CCDC178: variants seen among roughly 807,000 people sequenced by gnomAD.
The protein encoded by CCDC178 is coiled-coil domain containing 178.
In CCDC178, 126 loss-of-function variants were observed where a neutral mutation model predicts 117.4. The ratio of observed to expected loss-of-function variants is 1.07; its 90% CI spans 0.93 to 1.24. CCDC178 has a LOEUF of 1.24. Among genes scored for constraint, CCDC178 ranks in the 50% most tolerant of loss-of-function variants. The pLI, the probability that CCDC178 is intolerant of heterozygous loss-of-function variation, is 0.00. For missense variants in CCDC178, 1,030 were observed against 986.9 expected (o/e 1.04, Z -0.59); for synonymous variants, 283 against 313.4 (o/e 0.90, Z 1.02).
At chr18:33,371,818 C>T (rs947893878) in intron 5 of CCDC178, among the ~76,000 whole-genome samples, 1 of 149,230 alleles carries the variant, frequency 6.7e-6, no homozygotes, top group Admixed American at 6.7e-5. Context: ...CACACACACA[C>T]ATATGTAATA....
At chr18:33,185,650 A>C (rs2058782616) in intron 20 of CCDC178, among the ~76,000 whole-genome samples, 1 of 152,086 alleles carries the variant, frequency 6.6e-6, no homozygotes, top group Admixed American at 6.6e-5. Context: ...TAGAAAAGAC[A>C]CATCAAAAAT....
intron 7 of CCDC178, among the ~76,000 whole-genome samples, chr18:33,349,749 T>G (rs2062946040): frequency 6.6e-6 from 1 of 151,874 alleles, no homozygotes; most frequent in Non-Finnish European, 1.5e-5. Flanking sequence ...TAAAGAAGTA[T>G]TCTAAATTAA....
intron 2 of CCDC178, among the ~76,000 whole-genome samples, chr18:33,433,203 T>C (rs1183855453): frequency 6.6e-6 from 1 of 152,188 alleles, no homozygotes; most frequent in Non-Finnish European, 1.5e-5. Context: ...ATTTTTCTGC[T>C]TCTGCAAAAG....
At chr18:33,401,103 T>C (rs2063704145) in intron 3 of CCDC178, among the ~76,000 whole-genome samples, 1 of 152,218 alleles carries the variant, frequency 6.6e-6, no homozygotes, top group Non-Finnish European at 1.5e-5. Context: ...AGCTGTCATA[T>C]GTGTGTAGTT....
rs145665380 is a variant in CCDC178, at chr18:33,073,059, T to C, written c.2388+19702A>G. On this transcript the variant is annotated intron_variant, in intron 21 of 22. Transcript: ENST00000383096. The stretch of plus-strand genomic sequence containing the variant: ...CATTTTTTCAAAATCTCATAAAATT[T>C]ATTTCTCAGTGCTCACTTCTTGTTT... Among the ~76,000 whole-genome samples, 4 of 152,256 alleles carry C rather than the reference T, an allele frequency of 2.6e-5. No homozygotes were observed. In the East Asian group the frequency reaches 7.7e-4, roughly 29 times the overall value.
Position 33,339,577 on chromosome 18 carries a change from C to T in CCDC178, c.659-6183G>A, listed in dbSNP as rs147796115. ...GAAGAGAGACCTTGATATGTTTTGG[C>T]TGTGTCCCCACCCAAATCTCAACTT... On this transcript the variant is annotated intron_variant, in intron 9 of 22. Coordinates refer to ENST00000383096, the MANE Select transcript of CCDC178 (RefSeq NM_001105528.4). Among the ~76,000 whole-genome samples, 660 of 151,838 alleles carry T rather than the reference C, an allele frequency of 4.3e-3. 6 individuals are homozygous for T. Among genetic ancestry groups the T allele is most frequent in the African/African-American group, 0.015 (617 of 41,414 alleles).
intron 8 of CCDC178, among the ~76,000 whole-genome samples, chr18:33,346,622 A>G (rs1264418283): frequency 1.3e-5 from 2 of 152,100 alleles, no homozygotes; most frequent in Non-Finnish European, 2.9e-5. Context: ...AACATTTTAT[A>G]AAATAATTAC....
chr18:33,291,299 G>C (rs541021476), intron 12 of CCDC178, among the ~76,000 whole-genome samples: 1 of 151,900 alleles, frequency 6.6e-6, no homozygotes, highest in South Asian at 2.1e-4. Flanking sequence ...AAAAAGGTTG[G>C]GTAAATATAT....
intron 9 of CCDC178, among the ~76,000 whole-genome samples, chr18:33,343,764 A>G (rs1352785327): frequency 6.6e-6 from 1 of 152,226 alleles, no homozygotes; most frequent in East Asian, 1.9e-4. Flanking sequence ...TTTATTTTTG[A>G]AAAGTATCTA....
intron 21 of CCDC178, among the ~76,000 whole-genome samples, chr18:33,035,209 G>T (rs190477940): frequency 6.6e-6 from 1 of 151,914 alleles, no homozygotes; most frequent in African/African-American, 2.4e-5. Flanking sequence ...TTGACAAGAG[G>T]GTAGAGTCTG....
chr18:33,363,087 G>C (rs1956957446), intron 6 of CCDC178, among the ~76,000 whole-genome samples: 1 of 151,814 alleles, frequency 6.6e-6, no homozygotes, highest in African/African-American at 2.4e-5. Context: ...CTTCTCAATT[G>C]TTCTGTAGGT....
chr18:33,428,828 A>T (rs1348495965), intron 2 of CCDC178, among the ~76,000 whole-genome samples: 1 of 132,500 alleles, frequency 7.5e-6, no homozygotes, highest in East Asian at 2.0e-4. Flanking sequence ...GAAAAAAAGT[A>T]AAAAAAAAAA....
intron 6 of CCDC178, among the ~76,000 whole-genome samples, chr18:33,357,443 C>G (rs1410209355): frequency 6.6e-6 from 1 of 152,128 alleles, no homozygotes; most frequent in Admixed American, 6.6e-5. Context: ...AAATCTTACA[C>G]ATTCATCAAG....
At chr18:33,327,429 GTTT>G (rs1210367767) in intron 10 of CCDC178, among the ~76,000 whole-genome samples, 7 of 151,822 alleles carry the variant, frequency 4.6e-5, no homozygotes, top group Non-Finnish European at 1.0e-4. Context: ...TTTTCTTTTT[GTTT>G]TTTTAGTCTC....
chr18:33,202,646 A>T (rs2059005522), intron 20 of CCDC178, among the ~76,000 whole-genome samples: 1 of 152,064 alleles, frequency 6.6e-6, no homozygotes, highest in African/African-American at 2.4e-5. Flanking sequence ...TGACGACCAA[A>T]TCACTTTTTT....
At chr18:33,189,297 A>G (rs2058830471) in intron 20 of CCDC178, among the ~76,000 whole-genome samples, 1 of 151,992 alleles carries the variant, frequency 6.6e-6, no homozygotes, top group Non-Finnish European at 1.5e-5. Context: ...AAGCAGCAGA[A>G]GAATAAAGTT....
chr18:33,020,245 C>T (rs377543860), intron 21 of CCDC178, among the ~76,000 whole-genome samples: 2 of 151,376 alleles, frequency 1.3e-5, no homozygotes, highest in South Asian at 2.1e-4. Context: ...CATGCCTGGC[C>T]GATATCTCAC....
intron 20 of CCDC178, among the ~76,000 whole-genome samples, chr18:33,110,933 G>A (rs1366290113): frequency 1.3e-5 from 2 of 151,496 alleles, no homozygotes; most frequent in Non-Finnish European, 3.0e-5. Context: ...CAAAAATTCT[G>A]CTTGAATTTT....
chr18:33,127,148 T>C (rs891744061), intron 20 of CCDC178, among the ~76,000 whole-genome samples: 1 of 151,978 alleles, frequency 6.6e-6, no homozygotes, highest in Non-Finnish European at 1.5e-5. Context: ...TTAGATTTAT[T>C]TGCTTTTATA....
Sources: allele counts gnomAD v4.1 joint callset (sites outside exome capture counted in the v4.1 genomes callset), GRCh38; gene constraint gnomAD v4.1.1; transcripts MANE v1.5; gene names NCBI Gene and HGNC (gene_info 2026-07-23, HGNC 2026-07-21).